ENPP1: variants seen among roughly 807,000 people sequenced by gnomAD.
ENPP1 encodes ectonucleotide pyrophosphatase/phosphodiesterase 1.
In ENPP1, 73 loss-of-function variants were observed where a neutral mutation model predicts 122.8. The ratio of observed to expected loss-of-function variants is 0.59; its 90% CI spans 0.49 to 0.72. The LOEUF (loss-of-function observed/expected upper bound fraction) is 0.72, where lower values mean the gene tolerates loss of function less well. ENPP1 is among the 30% of genes least tolerant of loss of function. The pLI is 0.00. For synonymous variants in ENPP1, 367 were observed against 391.6 expected (o/e 0.94, Z 0.74); for missense variants, 978 against 1,128.1 (o/e 0.87, Z 1.91).
At chr6:131,873,117 C>G in intron 15 of ENPP1, 67 bp downstream of exon 15, 1 of 1,518,346 alleles carries the variant, frequency 6.6e-7, no homozygotes, top group Non-Finnish European at 9.1e-7. Context: ...AACCATTGGG[C>G]CCTTTCTAAC....
intron 1 of ENPP1, chr6:131,828,027 A>C: frequency 1.5e-6 from 1 of 677,110 alleles, no homozygotes; most frequent in South Asian, 1.4e-5. Flanking sequence ...GCTGCAAAGA[A>C]CAGTGTGTGC....
intron 1 of ENPP1, chr6:131,826,623 T>C (rs900030735): frequency 2.0e-5 from 18 of 909,844 alleles, no homozygotes; most frequent in Non-Finnish European, 2.8e-5. Flanking sequence ...TGATCAGTTC[T>C]AGGCTTTTCT....
Position 131,876,933 on chromosome 6 carries a change from G to A in ENPP1, c.1724-59G>A. On this transcript the variant is annotated intron_variant, in intron 17 of 24. Coordinates refer to ENST00000647893, the MANE Select transcript of ENPP1 (RefSeq NM_006208.3). ...TAAAAAAGTAAAGATCATGGCACAA[G>A]TCTACTATTTGTTTGATTTGAAACA... is the stretch of plus-strand genomic sequence containing the variant. The A allele has an allele frequency of 2.7e-6, 4 of 1,503,070 alleles. No individual in the cohort carries two copies. In the South Asian group the frequency reaches 3.4e-5, roughly 13 times the overall value. 93.1% of individuals were successfully genotyped at this position (1,503,070 alleles called of 1,614,324 possible). A position where few individuals can be genotyped will look rare whatever the true frequency, so the allele number is the denominator to read the frequency against.
intron 13 of ENPP1, among the ~76,000 whole-genome samples, chr6:131,870,219 G>A (rs929703375): frequency 6.6e-6 from 1 of 152,142 alleles, no homozygotes; most frequent in Non-Finnish European, 1.5e-5. Flanking sequence ...TTGTGAGGAG[G>A]AGTGCTGGCA....
chr6:131,885,753 AC>A (rs2114730588), intron 23 of ENPP1, among the ~76,000 whole-genome samples: 1 of 152,322 alleles, frequency 6.6e-6, no homozygotes, highest in Admixed American at 6.5e-5. Context: ...TATGTGACTT[AC>A]AAAATACATC....
chr6:131,874,731 C>T (rs533597515), intron 16 of ENPP1, among the ~76,000 whole-genome samples: 4 of 152,150 alleles, frequency 2.6e-5, no homozygotes, highest in Non-Finnish European at 5.9e-5. Flanking sequence ...ATCAAAGACA[C>T]CTGCACTCGT....
rs142714608 is a variant in ENPP1 at position 131,852,857 on chromosome 6, A to G, written c.617+622A>G. Among the ~76,000 whole-genome samples the G allele has an allele frequency of 4.5e-3, 681 of 151,780 alleles. 7 individuals carry two copies. Among genetic ancestry groups the G allele is most frequent in the Non-Finnish European group, 6.6e-3 (451 of 67,942 alleles). ...TGGGATAACAACCTATTTGTGAGAG[A>G]TGATACATTTTTTTAAAATAATTCA... On this transcript the variant is annotated intron_variant, in intron 5 of 24. Transcript: ENST00000647893.
rs138049649 is a variant in ENPP1 at position 131,864,750 on chromosome 6, T to C, written c.1092-116T>C. 4 of 825,042 alleles carry C rather than the reference T, an allele frequency of 4.8e-6. No individual in the cohort carries two copies. In the African/African-American group the frequency reaches 6.7e-5, roughly 14 times the overall value. The allele number at this position is 825,042 out of a possible 1,614,324, so 51.1% of individuals were successfully genotyped here. A position where few individuals can be genotyped will look rare whatever the true frequency, so the allele number is the denominator to read the frequency against. On this transcript the variant is annotated intron_variant, in intron 10 of 24. Coordinates refer to ENST00000647893, the MANE Select transcript of ENPP1 (RefSeq NM_006208.3). ...TTCAAAGCTGTAAATTATTTCTCAG[T>C]AGAACTGTTACACCAGTGTTATAAA... is the stretch of plus-strand genomic sequence containing the variant.
At position 131,847,831 on chromosome 6, in the gene ENPP1, C is replaced by T. The variant is rs745581122; in HGVS notation, c.296C>T (p.Pro99Leu). The change falls in exon 2 of 25, where the codon CCA (proline) becomes CTA (leucine). Residue 99 changes from proline (P) to leucine (L), a missense_variant. Physicochemically the swap from Pro to Leu is moderately conservative, Grantham distance 98. Around this residue, in one of 3 missense-constraint regions of ENPP1, gnomAD observed 330 missense variants for 328.5 expected, o/e 1.00. Transcript: ENST00000647893. ...CTTGGTTGTATATTTGGGTTGAAACCAAGCTGTGCCAAAGAAGGTAATTAG... is the reference window on the plus strand; with the variant it reads ...CTTGGTTGTATATTTGGGTTGAAACTAAGCTGTGCCAAAGAAGGTAATTAG... ...TILGCIFGLK[P>L]SCAKEVKSCK... 4 of 1,606,772 alleles carry T rather than the reference C, an allele frequency of 2.5e-6. No individual in the cohort carries two copies. Among genetic ancestry groups the T allele is most frequent in the Non-Finnish European group, 3.4e-6 (4 of 1,176,018 alleles).
intron 1 of ENPP1, chr6:131,820,663 A>G (rs945255415): frequency 6.6e-6 from 1 of 152,212 alleles, no homozygotes; most frequent in African/African-American, 2.4e-5. Flanking sequence ...TACATCTCCT[A>G]CCTCATTAGT....
chr6:131,813,970 G>A (rs189170967), intron 1 of ENPP1, among the ~76,000 whole-genome samples: 1 of 152,316 alleles, frequency 6.6e-6, no homozygotes, highest in African/African-American at 2.4e-5. Context: ...TTTCCAAGCA[G>A]GGTAGAATGT....
At chr6:131,849,920 G>A (rs1191987971) in intron 2 of ENPP1, 70 bp from the exon 3 acceptor site, 12 of 1,108,916 alleles carry the variant, frequency 1.1e-5, no homozygotes, top group African/African-American at 1.5e-5. Context: ...TAACTTAGTT[G>A]TATTCGTTGA....
intron 1 of ENPP1, among the ~76,000 whole-genome samples, chr6:131,840,402 T>C (rs934414231): frequency 9.2e-5 from 14 of 152,196 alleles, no homozygotes; most frequent in Admixed American, 2.0e-4. Flanking sequence ...TTTAAGAAAA[T>C]AGGAACTAGG....
In ENPP1 at chr6:131,808,153, C is replaced by A. The variant is rs763240008; in HGVS notation, c.118C>A (p.Pro40Thr). 8.6e-5 allele frequency: 124 copies of A among 1,447,740 alleles called. 1 individual carries two copies. In the South Asian group the frequency reaches 1.7e-3, roughly 20 times the overall value. 89.7% of individuals were successfully genotyped at this position (1,447,740 alleles called of 1,614,324 possible). A position where few individuals can be genotyped will look rare whatever the true frequency, so the allele number is the denominator to read the frequency against. The change falls in exon 1 of 25, where the codon CCC (proline) becomes ACC (threonine). Residue 40 changes from proline to threonine, a missense_variant. Physicochemically the swap from Pro to Thr is conservative, Grantham distance 38. Around this residue, in one of 3 missense-constraint regions of ENPP1, gnomAD observed 330 missense variants for 328.5 expected, o/e 1.00. Transcript: ENST00000647893. The stretch of plus-strand genomic sequence containing the variant: ...GGGCCGCAGCCACGCTGCCGAGGCG[C>A]CCGGGGACCCGCAGGCGGCCGCGTC... ...DRGRSHAAEA[P>T]GDPQAAASLL... is the part of the protein sequence containing the mutation.
Position 131,878,607 on chromosome 6 carries a change from C to A in ENPP1, c.1945+14C>A. On this transcript the variant is annotated intron_variant, in intron 19 of 24. Transcript: ENST00000647893. Reference sequence around the variant, plus strand: ...CTGTGGCAGAAGGTAAGGCATGCTACACACTCAAGCTCGGAATGTGAAGCA... The same window carrying A: ...CTGTGGCAGAAGGTAAGGCATGCTAAACACTCAAGCTCGGAATGTGAAGCA... 1.2e-6 allele frequency: 2 copies of A among 1,600,574 alleles called. No individual in the cohort carries two copies. The highest frequency in any genetic ancestry group is 8.6e-7 in the Non-Finnish European group (1 of 1,167,952).
chr6:131,847,855 AGGTGT>A lies in ENPP1; in HGVS notation c.313+9_313+13del, dbSNP rs772635802. The A allele has an allele frequency of 8.7e-6, 13 of 1,497,110 alleles. No individual in the cohort carries two copies. The highest frequency in any genetic ancestry group is 7.3e-5 in the African/African-American group (5 of 68,124). The allele number at this position is 1,497,110 out of a possible 1,614,324, so 92.7% of individuals were successfully genotyped here. A position where few individuals can be genotyped will look rare whatever the true frequency, so the allele number is the denominator to read the frequency against. On this transcript the variant is annotated splice_region_variant and intron_variant, in intron 2 of 24. Transcript: ENST00000647893. ...CCAAGCTGTGCCAAAGAAGGTAATTAGGTGTGTGTGTGTGTGTGTGTGTGTGTGTG... is the reference window on the plus strand; with the variant it reads ...CCAAGCTGTGCCAAAGAAGGTAATTAGTGTGTGTGTGTGTGTGTGTGTGTG...
rs550942858 is a variant in ENPP1, at chr6:131,894,662, G to C, written c.*4151G>C. 1 of 152,228 alleles carries C rather than the reference G, an allele frequency of 6.6e-6. No homozygotes were observed. Among genetic ancestry groups the C allele is most frequent in the Non-Finnish European group, 1.5e-5 (1 of 68,058 alleles). 9.4% of individuals were successfully genotyped at this position (152,228 alleles called of 1,614,324 possible). A position where few individuals can be genotyped will look rare whatever the true frequency, so the allele number is the denominator to read the frequency against. ...AGAACCTGGCAAAACTTAAAAAAAC[G>C]TTTCCAAGAATCAGATAAAAGAGGA... On this transcript the variant is annotated 3_prime_UTR_variant, in exon 25 of 25. Coordinates refer to ENST00000647893, the MANE Select transcript of ENPP1 (RefSeq NM_006208.3).
chr6:131,833,850 G>A (rs1038120331), intron 1 of ENPP1, among the ~76,000 whole-genome samples: 4 of 152,186 alleles, frequency 2.6e-5, no homozygotes, highest in African/African-American at 9.7e-5. Flanking sequence ...AAGAACAGAG[G>A]AGTGGATATT....
chr6:131,850,875 C>T (rs1307292432), intron 3 of ENPP1, among the ~76,000 whole-genome samples: 1 of 152,192 alleles, frequency 6.6e-6, no homozygotes, highest in Non-Finnish European at 1.5e-5. Flanking sequence ...GCCAGGTCTA[C>T]ATATGAATTG....
Sources: gnomAD v4.1 joint callset for allele counts (sites outside exome capture counted in the v4.1 genomes callset) on GRCh38, gnomAD v4.1.1 for gene constraint, gnomAD v4.1.1 regional missense constraint, MANE v1.5 for transcripts, NCBI Gene and HGNC (gene_info 2026-07-23, HGNC 2026-07-21) for gene names.